STK31: variants seen among roughly 807,000 people sequenced by gnomAD.
The protein encoded by STK31 is serine/threonine kinase 31.
STK31 carries 89 observed loss-of-function variants against 129.7 expected under a neutral mutation model. The observed-to-expected ratio is 0.69, with a 90% CI of 0.58 to 0.82. The LOEUF is 0.82. Ranked by LOEUF, STK31 falls within the 40% of genes least tolerant of loss-of-function variation. The probability of loss-of-function intolerance (pLI) is 0.00; values close to 1 mark genes in which losing one functional copy is unlikely to be tolerated. For missense variants in STK31, 1,187 were observed against 1,176.4 expected (o/e 1.01, Z -0.13); for synonymous variants, 448 against 395.3 (o/e 1.13, Z -1.58).
intron 23 of STK31, among the ~76,000 whole-genome samples, chr7:23,826,797 A>G (rs1418993066): frequency 6.6e-6 from 1 of 152,200 alleles, no homozygotes; most frequent in African/African-American, 2.4e-5. Context: ...TGGTGGTGAC[A>G]AAATCTCTCA....
intron 11 of STK31, among the ~76,000 whole-genome samples, chr7:23,767,264 C>T (rs1251113828): frequency 3.3e-5 from 5 of 152,142 alleles, no homozygotes; most frequent in Non-Finnish European, 5.9e-5. Context: ...ATTTTATCCT[C>T]TTCTTATCTC....
At chr7:23,736,361 C>G (rs1226594227) in intron 7 of STK31, among the ~76,000 whole-genome samples, 1 of 152,018 alleles carries the variant, frequency 6.6e-6, no homozygotes, top group Non-Finnish European at 1.5e-5. Flanking sequence ...GAATACTTTA[C>G]TTTTTAGATA....
intron 4 of STK31, chr7:23,721,489 A>C: frequency 9.5e-7 from 1 of 1,055,252 alleles, no homozygotes; most frequent in Non-Finnish European, 1.5e-6. Flanking sequence ...GAGGCTGAGG[A>C]ATAAGCTGAT....
intron 10 of STK31, among the ~76,000 whole-genome samples, chr7:23,756,149 G>A (rs1382840716): frequency 6.6e-6 from 1 of 152,088 alleles, no homozygotes; most frequent in East Asian, 1.9e-4. Flanking sequence ...TTTTCCATTT[G>A]TTTGTGTCCT....
At chr7:23,807,193 T>G (rs73084764) in intron 22 of STK31, among the ~76,000 whole-genome samples, 3,730 of 152,220 alleles carry the variant, frequency 0.025, 88 homozygotes, top group African/African-American at 0.061. Context: ...CCTTTTATCA[T>G]TTTTATCCTA....
chr7:23,723,779 A>G (rs1472980246), intron 4 of STK31, among the ~76,000 whole-genome samples: 1 of 152,168 alleles, frequency 6.6e-6, no homozygotes, highest in Non-Finnish European at 1.5e-5. Flanking sequence ...TCTGGGATAG[A>G]TTTACATGTT....
intron 13 of STK31, 60 bp from the exon 14 acceptor site, chr7:23,770,945 A>T: frequency 6.7e-7 from 1 of 1,484,532 alleles, no homozygotes; most frequent in Non-Finnish European, 9.0e-7. Flanking sequence ...TTGTTATTGG[A>T]GGCCTTAGCT....
At chr7:23,716,562 A>G (rs1205791334) in intron 3 of STK31, among the ~76,000 whole-genome samples, 1 of 151,946 alleles carries the variant, frequency 6.6e-6, no homozygotes, top group African/African-American at 2.4e-5. Context: ...CATTCCTTCC[A>G]CATTTATTAA....
chr7:23,788,163 A>G (rs768828140), intron 21 of STK31, 34 bp downstream of exon 21: 1 of 1,560,202 alleles, frequency 6.4e-7, no homozygotes, highest in Non-Finnish European at 8.7e-7. Flanking sequence ...TAGGTTCTAG[A>G]CTTTATTTAA....
chr7:23,814,966 G>A (rs1470842174), intron 22 of STK31, among the ~76,000 whole-genome samples, 178 bp from the exon 23 acceptor site: 1 of 152,098 alleles, frequency 6.6e-6, no homozygotes, highest in Non-Finnish European at 1.5e-5. Context: ...GGAGCCCCAG[G>A]AACCATTTGG....
chr7:23,712,314 C>G (rs775639406), intron 3 of STK31, 28 bp downstream of exon 3: 10 of 1,610,628 alleles, frequency 6.2e-6, no homozygotes, highest in Non-Finnish European at 8.5e-6. Flanking sequence ...TGATATCCCC[C>G]CTCACCTCCC....
chr7:23,752,716 G>T lies in STK31; in HGVS notation c.1018-1G>T. ...GAGAATGTGTTTATTCTTTGTTTCA[G>T]CAAGAGAAGGCAGCTGCTGTGGATT... On this transcript the variant is annotated splice_acceptor_variant, in intron 8 of 23. Transcript: ENST00000355870. LOFTEE classifies it high-confidence loss of function. The T allele has an allele frequency of 6.2e-7, 1 of 1,603,346 alleles. No homozygotes were observed. Among genetic ancestry groups the T allele is most frequent in the Non-Finnish European group, 8.5e-7 (1 of 1,170,490 alleles).
intron 6 of STK31, among the ~76,000 whole-genome samples, chr7:23,729,932 T>C (rs557764655): frequency 6.6e-6 from 1 of 152,338 alleles, no homozygotes; most frequent in South Asian, 2.1e-4. Context: ...ACCACAAATT[T>C]GAAATTAATG....
At chr7:23,828,752 C>G (rs143924548) in intron 23 of STK31, among the ~76,000 whole-genome samples, 1,699 of 152,204 alleles carry the variant, frequency 0.011, 29 homozygotes, top group African/African-American at 0.037. Flanking sequence ...CTGACTTGTT[C>G]TTTTTCAATT....
intron 15 of STK31, among the ~76,000 whole-genome samples, chr7:23,777,242 A>T (rs1339791311): frequency 1.3e-5 from 2 of 152,196 alleles, no homozygotes. Context: ...TTTACTTCCA[A>T]CTGTGTGGTC....
chr7:23,756,188 G>A (rs1789072599), intron 10 of STK31, among the ~76,000 whole-genome samples: 1 of 152,074 alleles, frequency 6.6e-6, no homozygotes, highest in Non-Finnish European at 1.5e-5. Flanking sequence ...GTGGTTTGTA[G>A]TTCTTCTTGA....
intron 10 of STK31, among the ~76,000 whole-genome samples, chr7:23,762,290 TGGGTACA>T (rs1305358413): frequency 6.7e-6 from 1 of 149,496 alleles, no homozygotes; most frequent in Non-Finnish European, 1.5e-5. Context: ...CTTTCTTTCT[TGGGTACA>T]GGATGGATAT....
At chr7:23,823,292 A>G (rs992148318) in intron 23 of STK31, among the ~76,000 whole-genome samples, 9 of 152,070 alleles carry the variant, frequency 5.9e-5, no homozygotes, top group Admixed American at 3.3e-4. Context: ...CACCATTCTA[A>G]CTGGTGTGAG....
chr7:23,826,676 G>A (rs1399869644), intron 23 of STK31, among the ~76,000 whole-genome samples: 7 of 152,136 alleles, frequency 4.6e-5, no homozygotes, highest in African/African-American at 1.7e-4. Context: ...GTTAGTTGAT[G>A]CAGTTTCTTC....
Sources: allele counts gnomAD v4.1 joint callset (sites outside exome capture counted in the v4.1 genomes callset), GRCh38; gene constraint gnomAD v4.1.1; transcripts MANE v1.5; gene names NCBI Gene and HGNC (gene_info 2026-07-23, HGNC 2026-07-21).